Variants in CAPN2 observed in about 807,000 individuals in gnomAD.
The protein encoded by CAPN2 is calpain-2 catalytic subunit.
In CAPN2, 92 loss-of-function variants were observed where a neutral mutation model predicts 102.3. The observed-to-expected ratio is 0.90, with a 90% confidence interval of 0.76 to 1.07. CAPN2 has a LOEUF of 1.07. Ranked by LOEUF, CAPN2 falls within the 50% of genes least tolerant of loss-of-function variation. The pLI is 0.00. For missense variants in CAPN2, 800 were observed against 909.4 expected, an observed-to-expected ratio of 0.88 and a Z score of 1.55; for synonymous variants, 340 against 355.4, an observed-to-expected ratio of 0.96 and a Z score of 0.49.
In CAPN2 at chr1:223,726,118, C is replaced by G. The variant is rs1329754157; in HGVS notation, c.307+8287C>G. On this transcript the variant is annotated intron_variant, in intron 2 of 20. Coordinates refer to ENST00000295006, the MANE Select transcript of CAPN2 (RefSeq NM_001748.5). This position sits in a 1 kb window ranked among gnomAD's most constrained non-coding sequence, Gnocchi z 4.4. Reference sequence around the variant, plus strand: ...CCCAGCCCAAGCAAGACTAGTAGTTCAGCTTTGTGAATCCCCTCAGGAAGT... The same window carrying G: ...CCCAGCCCAAGCAAGACTAGTAGTTGAGCTTTGTGAATCCCCTCAGGAAGT... Among the ~76,000 whole-genome samples the G allele has an allele frequency of 6.6e-6, 1 of 151,870 alleles. No homozygotes were observed. Among genetic ancestry groups the G allele is most frequent in the Admixed American group, 6.6e-5 (1 of 15,250 alleles).
At chr1:223,724,425 G>A (rs985918378) in intron 2 of CAPN2, among the ~76,000 whole-genome samples, 1 of 152,210 alleles carries the variant, frequency 6.6e-6, no homozygotes, top group Non-Finnish European at 1.5e-5. Flanking sequence ...TAGTGATGAT[G>A]GAAACCGTGT....
At chr1:223,752,392 T>C (rs1660925604) in intron 8 of CAPN2, among the ~76,000 whole-genome samples, 1 of 152,212 alleles carries the variant, frequency 6.6e-6, no homozygotes, top group African/African-American at 2.4e-5. Flanking sequence ...TTCCGGAGAC[T>C]CATCCCAGCC....
intron 2 of CAPN2, among the ~76,000 whole-genome samples, chr1:223,720,066 G>A (rs1660010269): frequency 6.6e-6 from 1 of 152,120 alleles, no homozygotes; most frequent in Non-Finnish European, 1.5e-5. Flanking sequence ...CCAGAGATAT[G>A]AGCCTAGACT....
intron 1 of CAPN2, 69 bp downstream of exon 1, chr1:223,712,946 G>A: frequency 8.8e-6 from 10 of 1,136,836 alleles, no homozygotes; most frequent in Non-Finnish European, 1.0e-5. Context: ...GCCGGCCCGC[G>A]GCGCGCTGGG....
In CAPN2 at chr1:223,775,940, C is replaced by T. The variant is rs1435403967; in HGVS notation, c.*1083C>T. The T allele has an allele frequency of 3.3e-5, 5 of 152,622 alleles. No homozygotes were observed. The highest frequency in any genetic ancestry group is 6.5e-5 in the Admixed American group (1 of 15,280). 9.5% of individuals were successfully genotyped at this position (152,622 alleles called of 1,614,324 possible). On this transcript the variant is annotated 3_prime_UTR_variant, in exon 21 of 21. Coordinates refer to ENST00000295006, the MANE Select transcript of CAPN2 (RefSeq NM_001748.5). ...TCTACTTTAACAAGGTATGCTGCCT[C>T]TGTAAATTCATGTATTCAAAGGAAA...
intron 16 of CAPN2, among the ~76,000 whole-genome samples, chr1:223,768,660 G>C: frequency 6.6e-6 from 1 of 151,302 alleles, no homozygotes; most frequent in East Asian, 1.9e-4. Context: ...GGATTGACTT[G>C]GCGATGCGGG....
At chr1:223,717,671 G>T in intron 1 of CAPN2, 91 bp from the exon 2 acceptor site, 2 of 957,384 alleles carry the variant, frequency 2.1e-6, no homozygotes, top group East Asian at 2.4e-5. Context: ...AGGGGAGAAG[G>T]GGTTAGAAGA....
chr1:223,756,909 AT>A lies in CAPN2; in HGVS notation c.1306-455del, dbSNP rs1298209901. Among the ~76,000 whole-genome samples the A allele has an allele frequency of 6.6e-6, 1 of 152,112 alleles. No individual in the cohort carries two copies. Among genetic ancestry groups the A allele is most frequent in the African/African-American group, 2.4e-5 (1 of 41,416 alleles). On this transcript the variant is annotated intron_variant, in intron 10 of 20. Transcript: ENST00000295006. The surrounding 1 kb of genome is among the most constrained non-coding windows in gnomAD (Gnocchi z 4.1). ...CGGACCTTGGGGATCACTGGGTCCTATTTTTGAGACAAGAAAACTGAGGCCA... is the reference window on the plus strand; with the variant it reads ...CGGACCTTGGGGATCACTGGGTCCTATTTTGAGACAAGAAAACTGAGGCCA...
intron 6 of CAPN2, among the ~76,000 whole-genome samples, chr1:223,750,575 C>T (rs1660861586): frequency 6.6e-6 from 1 of 152,220 alleles, no homozygotes; most frequent in Non-Finnish European, 1.5e-5. Flanking sequence ...CTTCTCTGAG[C>T]TCCTTTACCA....
intron 15 of CAPN2, among the ~76,000 whole-genome samples, chr1:223,764,901 AACTATTT>A (rs1661273737): frequency 6.6e-6 from 1 of 152,176 alleles, no homozygotes; most frequent in African/African-American, 2.4e-5. Context: ...TCTTGTAACT[AACTATTT>A]CTTAAGCAAA....
intron 2 of CAPN2, among the ~76,000 whole-genome samples, chr1:223,733,047 G>A (rs1277225329): frequency 1.3e-5 from 2 of 152,124 alleles, no homozygotes; most frequent in African/African-American, 2.4e-5. Flanking sequence ...TTCACCAAGC[G>A]CAATTCTTCC....
intron 18 of CAPN2, chr1:223,771,538 G>C (rs28370169): frequency 2.1e-5 from 8 of 385,012 alleles, no homozygotes; most frequent in East Asian, 1.5e-4. Flanking sequence ...ACAACATGAA[G>C]CAACTGTGAC....
At chr1:223,743,338 T>C (rs1300919123) in intron 2 of CAPN2, among the ~76,000 whole-genome samples, 1 of 152,182 alleles carries the variant, frequency 6.6e-6, no homozygotes, top group East Asian at 1.9e-4. Flanking sequence ...CTTTTCCATC[T>C]GCACTGCTCC....
At chr1:223,763,169 A>G (rs939769735) in intron 14 of CAPN2, among the ~76,000 whole-genome samples, 18 of 151,876 alleles carry the variant, frequency 1.2e-4, no homozygotes, top group African/African-American at 3.9e-4. Flanking sequence ...GTCCCATCAC[A>G]AAGTTATTTA....
At chr1:223,743,715 C>CTGGTTTCATTCCTGTAATCCCAGCTACT (rs1380635811) in intron 2 of CAPN2, among the ~76,000 whole-genome samples, 6 of 152,210 alleles carry the variant, frequency 3.9e-5, no homozygotes. Flanking sequence ...TGCAGCTGCG[C>CTGGTTTCATTCCTGTAATCCCAGCTACT]TGGTTTCATT....
intron 2 of CAPN2, among the ~76,000 whole-genome samples, chr1:223,719,843 C>T (rs543684867): frequency 2.7e-5 from 4 of 146,976 alleles, no homozygotes; most frequent in South Asian, 4.4e-4. Context: ...CGCGCGCGCG[C>T]GTATAATGCA....
At position 223,771,822 on chromosome 1, in the gene CAPN2, C is replaced by T. The variant is rs758527330; in HGVS notation, c.1917C>T (p.Pro639=). 4 of 1,611,844 alleles carry T rather than the reference C, an allele frequency of 2.5e-6. No individual in the cohort carries two copies. In the Admixed American group the frequency reaches 6.7e-5, roughly 27 times the overall value. ...ATGTAACTTCAGGTTTCAAGATGCC[C>T]TGTCAACTCCACCAAGTCATCGTTG... ...KALEEAGFKM[P]CQLHQVIVAR... is the part of the protein sequence containing the mutation. Residue 639 remains proline, a synonymous_variant, in exon 19 of 21, where the codon CCC becomes CCT. Coordinates refer to ENST00000295006, the MANE Select transcript of CAPN2 (RefSeq NM_001748.5).
intron 20 of CAPN2, among the ~76,000 whole-genome samples, chr1:223,773,977 G>A (rs1237654988): frequency 6.6e-6 from 1 of 152,134 alleles, no homozygotes; most frequent in African/African-American, 2.4e-5. Context: ...AGGCCGCAGT[G>A]AGCCATGATC....
chr1:223,744,588 C>T (rs893066198), intron 3 of CAPN2, among the ~76,000 whole-genome samples: 6 of 152,144 alleles, frequency 3.9e-5, no homozygotes, highest in Middle Eastern at 3.2e-3. Flanking sequence ...TGGCTGGGCA[C>T]GGTAGCTCAT....
Sources: allele counts gnomAD v4.1 joint callset (sites outside exome capture counted in the v4.1 genomes callset), GRCh38; gene constraint gnomAD v4.1.1; non-coding constraint Gnocchi (gnomAD v3.1); transcripts MANE v1.5; gene names NCBI Gene and HGNC (gene_info 2026-07-23, HGNC 2026-07-21).